HIP1: variants seen among roughly 807,000 people sequenced by gnomAD.
The protein encoded by HIP1 is huntingtin interacting protein 1.
HIP1 carries 65 observed loss-of-function variants against 147.6 expected under a neutral mutation model. The observed-to-expected ratio is 0.44, with a 90% CI of 0.36 to 0.54. The LOEUF is 0.54. HIP1 is among the 20% of genes least tolerant of loss of function. The pLI is 0.00. For synonymous variants in HIP1, 479 were observed against 504.0 expected (o/e 0.95, Z 0.67); for missense variants, 1,061 against 1,299.6 (o/e 0.82, Z 2.82).
Position 75,559,688 on chromosome 7 carries a change from G to A in HIP1, c.1375+44C>T, listed in dbSNP as rs185094763. The A allele has an allele frequency of 1.6e-3, 2,209 of 1,378,068 alleles. 13 individuals are homozygous for A. Among genetic ancestry groups the A allele is most frequent in the Admixed American group, 2.1e-3 (88 of 42,298 alleles). 85.4% of individuals were successfully genotyped at this position (1,378,068 alleles called of 1,614,324 possible). On this transcript the variant is annotated intron_variant, in intron 14 of 30. Coordinates refer to ENST00000336926, the MANE Select transcript of HIP1 (RefSeq NM_005338.7). The stretch of plus-strand genomic sequence containing the variant: ...TGAGTCCAGCTGGGCTCTGCTGCCC[G>A]CGCCTGCCCCCGGGGCCCGCCCCCG...
chr7:75,653,680 A>G (rs1045487194), intron 1 of HIP1, among the ~76,000 whole-genome samples: 3 of 151,662 alleles, frequency 2.0e-5, no homozygotes, highest in Non-Finnish European at 4.4e-5. Context: ...CCAACATGGT[A>G]AAACACTATC....
At chr7:75,661,923 G>C (rs1264332397) in intron 1 of HIP1, among the ~76,000 whole-genome samples, 1 of 152,072 alleles carries the variant, frequency 6.6e-6, no homozygotes, top group Admixed American at 6.6e-5. Context: ...AGGCAATCAG[G>C]CTTTTAAGGA....
chr7:75,551,981 C>T (rs928968057), intron 22 of HIP1, among the ~76,000 whole-genome samples: 9 of 152,116 alleles, frequency 5.9e-5, no homozygotes, highest in Admixed American at 2.0e-4. Context: ...CCTCAGCCTC[C>T]CAGGTTCAAG....
At chr7:75,660,760 CA>C (rs565818445) in intron 1 of HIP1, among the ~76,000 whole-genome samples, 6 of 151,792 alleles carry the variant, frequency 4.0e-5, no homozygotes, top group Non-Finnish European at 8.8e-5. Flanking sequence ...CTTGCCATTA[CA>C]AAAAAAGAAA....
chr7:75,553,752 C>T (rs1347777269), intron 21 of HIP1, among the ~76,000 whole-genome samples, 163 bp from the exon 22 acceptor site: 3 of 152,130 alleles, frequency 2.0e-5, no homozygotes, highest in Non-Finnish European at 4.4e-5. Flanking sequence ...ATTACGGGTG[C>T]GCCACCATGC....
At chr7:75,584,884 T>G (rs1329237938) in intron 5 of HIP1, among the ~76,000 whole-genome samples, 1 of 151,484 alleles carries the variant, frequency 6.6e-6, no homozygotes. Flanking sequence ...AGTCTTGCTC[T>G]GTCACCCAGG....
intron 1 of HIP1, among the ~76,000 whole-genome samples, chr7:75,724,985 T>C (rs1220303074): frequency 1.3e-5 from 2 of 152,190 alleles, no homozygotes; most frequent in African/African-American, 4.8e-5. Context: ...GGCAGGTTCT[T>C]AGACACTGTC....
chr7:75,684,067 C>T (rs1436655476), intron 1 of HIP1, among the ~76,000 whole-genome samples: 1 of 151,718 alleles, frequency 6.6e-6, no homozygotes, highest in African/African-American at 2.4e-5. Context: ...TTGCATGAGA[C>T]CAGGAGTTCG....
intron 1 of HIP1, among the ~76,000 whole-genome samples, chr7:75,735,469 T>C (rs1554523539): frequency 6.6e-6 from 1 of 152,202 alleles, no homozygotes; most frequent in African/African-American, 2.4e-5. Flanking sequence ...AGTTAGTTAT[T>C]ATTATACCTT....
intron 1 of HIP1, among the ~76,000 whole-genome samples, chr7:75,675,737 G>A (rs746206681): frequency 6.6e-6 from 1 of 152,030 alleles, no homozygotes; most frequent in Non-Finnish European, 1.5e-5. Context: ...CCAGGACATT[G>A]GGAGGTCACG....
intron 7 of HIP1, among the ~76,000 whole-genome samples, chr7:75,578,444 G>T (rs1554498084): frequency 6.6e-6 from 1 of 152,154 alleles, no homozygotes; most frequent in Non-Finnish European, 1.5e-5. Flanking sequence ...GGGAGGAAAA[G>T]GCAGGCACAT....
intron 1 of HIP1, among the ~76,000 whole-genome samples, 190 bp downstream of exon 1, chr7:75,738,611 C>T (rs1554523935): frequency 1.3e-5 from 2 of 152,162 alleles, no homozygotes; most frequent in African/African-American, 4.8e-5. Context: ...TCTCCCCAGG[C>T]CAGCTGGGGT....
chr7:75,582,316 C>T (rs1796087527), intron 5 of HIP1, among the ~76,000 whole-genome samples, 165 bp from the exon 6 acceptor site: 1 of 151,998 alleles, frequency 6.6e-6, no homozygotes, highest in Non-Finnish European at 1.5e-5. Flanking sequence ...CACTGCACTC[C>T]AGCTTGGTTA....
chr7:75,629,546 C>CTT (rs58993055), intron 1 of HIP1, among the ~76,000 whole-genome samples: 2 of 145,630 alleles, frequency 1.4e-5, no homozygotes, highest in Admixed American at 6.9e-5. Context: ...CCCCGCTTTT[C>CTT]TTTTTTTTTT....
intron 7 of HIP1, among the ~76,000 whole-genome samples, chr7:75,575,714 G>A (rs1359877026): frequency 6.6e-6 from 1 of 152,000 alleles, no homozygotes; most frequent in Non-Finnish European, 1.5e-5. Context: ...CAGACACTCA[G>A]CTCACACCAC....
chr7:75,656,704 C>T (rs1014835393), intron 1 of HIP1, among the ~76,000 whole-genome samples: 27 of 151,984 alleles, frequency 1.8e-4, no homozygotes, highest in African/African-American at 6.3e-4. Flanking sequence ...CTCGAACTCC[C>T]GACCTCAGGT....
intron 1 of HIP1, among the ~76,000 whole-genome samples, chr7:75,604,314 G>C (rs1361558876): frequency 2.0e-5 from 3 of 152,156 alleles, no homozygotes; most frequent in Admixed American, 1.3e-4. Flanking sequence ...TAAGTTCCAG[G>C]GGGTTTGGGA....
intron 22 of HIP1, among the ~76,000 whole-genome samples, chr7:75,552,567 G>A (rs1554492320): frequency 6.6e-6 from 1 of 151,752 alleles, no homozygotes; most frequent in African/African-American, 2.4e-5. Flanking sequence ...ATGTTGCCTA[G>A]GCTGATATTG....
At chr7:75,599,275 G>A in intron 1 of HIP1, 28 bp from the exon 2 acceptor site, 2 of 1,567,406 alleles carry the variant, frequency 1.3e-6, no homozygotes, top group Non-Finnish European at 1.8e-6. Flanking sequence ...GGGAGGGAAA[G>A]GAGGATGAGA....
Sources: allele counts gnomAD v4.1 joint callset (sites outside exome capture counted in the v4.1 genomes callset), GRCh38; gene constraint gnomAD v4.1.1; transcripts MANE v1.5; gene names NCBI Gene and HGNC (gene_info 2026-07-23, HGNC 2026-07-21).